RNF17: variants seen among roughly 807,000 people sequenced by gnomAD.
RNF17 encodes ring finger protein 17, also known as spermatogenesis associated 23.
Under a neutral mutation model 200.5 loss-of-function variants are expected in RNF17, and 31 were observed. The ratio of observed to expected loss-of-function variants is 0.15; its 90% CI spans 0.12 to 0.21. RNF17 has a LOEUF of 0.21. Among genes scored for constraint, RNF17 ranks in the 10% least tolerant of loss-of-function variants. The pLI, the probability that RNF17 is intolerant of heterozygous loss-of-function variation, is 1.00. For missense variants in RNF17, 1,628 were observed against 1,905.1 expected (o/e 0.85, Z 2.71); for synonymous variants, 606 against 637.8 (o/e 0.95, Z 0.75).
the RNF17 span, among the ~76,000 whole-genome samples, chr13:24,750,355 C>T: frequency 6.6e-6 from 1 of 152,178 alleles, no homozygotes; most frequent in Non-Finnish European, 1.5e-5. Flanking sequence ...TTTTAACATA[C>T]AGTTCAAAGA....
At chr13:24,760,963 A>C (rs561121791), upstream of RNF17, among the ~76,000 whole-genome samples, 41 of 152,322 alleles carry the variant, frequency 2.7e-4, no homozygotes, top group Admixed American at 2.0e-3. Flanking sequence ...AAAAAAAAAG[A>C]CAAAAGATAA....
chr13:24,783,785 A>G (rs1265656669), intron 6 of RNF17, among the ~76,000 whole-genome samples: 2 of 152,274 alleles, frequency 1.3e-5, no homozygotes, highest in East Asian at 3.9e-4. Context: ...GGTTTTCTGC[A>G]TGTATGATCA....
chr13:24,826,180 CTG>C (rs1429993716), intron 16 of RNF17: 1 of 708,204 alleles, frequency 1.4e-6, no homozygotes, highest in Admixed American at 6.3e-5. Context: ...GAATTATTGA[CTG>C]AACTGCTAGT....
chr13:24,812,159 G>A (rs1465187122), intron 15 of RNF17, among the ~76,000 whole-genome samples: 5 of 145,826 alleles, frequency 3.4e-5, no homozygotes, highest in Non-Finnish European at 6.1e-5. Context: ...TTGAGCTGTG[G>A]TGGGCTCCAC....
intron 2 of RNF17, among the ~76,000 whole-genome samples, chr13:24,774,212 CT>C (rs906022182): frequency 1.3e-5 from 2 of 149,374 alleles, no homozygotes; most frequent in African/African-American, 4.9e-5. Context: ...TTTTTTTTCA[CT>C]TTTTTTGAAA....
At chr13:24,753,006 C>G in the RNF17 span, among the ~76,000 whole-genome samples, 1 of 152,162 alleles carries the variant, frequency 6.6e-6, no homozygotes, top group East Asian at 1.9e-4. Context: ...TATTCTTCTC[C>G]TTGGGCAAGA....
At chr13:24,812,796 C>T (rs1886882310) in intron 15 of RNF17, among the ~76,000 whole-genome samples, 1 of 151,806 alleles carries the variant, frequency 6.6e-6, no homozygotes, top group Non-Finnish European at 1.5e-5. Flanking sequence ...ATTCTCATGC[C>T]TCAGCCTCCC....
Position 24,851,521 on chromosome 13 carries a change from T to G in RNF17, c.3270T>G (p.Val1090=). Residue 1090 remains valine, a synonymous_variant, in exon 24 of 36, where the codon GTT becomes GTG. Transcript: ENST00000255324. ...GCAGAGATGAAAAAGGAGAGCGTGT[T>G]GATGTTTCTAAATATTTGATTAAAA... The part of the protein sequence containing the change: ...IFCRDEKGER[V]DVSKYLIKKG... The G allele has an allele frequency of 6.2e-7, 1 of 1,613,810 alleles. No homozygotes were observed. The highest frequency in any genetic ancestry group is 8.5e-7 in the Non-Finnish European group (1 of 1,179,912).
At chr13:24,783,584 C>T (rs1004624592) in intron 6 of RNF17, among the ~76,000 whole-genome samples, 11 of 152,088 alleles carry the variant, frequency 7.2e-5, no homozygotes, top group Admixed American at 6.5e-4. Flanking sequence ...AAGTCTTTCA[C>T]CTCCTTTGTT....
intron 22 of RNF17, among the ~76,000 whole-genome samples, chr13:24,845,640 A>G (rs1891176880): frequency 6.6e-6 from 1 of 152,170 alleles, no homozygotes; most frequent in Admixed American, 6.6e-5. Context: ...TAGGATTCCA[A>G]CAGCTTTGAG....
At chr13:24,884,141 AG>A (rs751443030), downstream of RNF17, 22 of 1,569,770 alleles carry the variant, frequency 1.4e-5, no homozygotes, top group Non-Finnish European at 1.7e-5. Flanking sequence ...ATTTAATGAG[AG>A]GGTGGAGCAA....
intron 15 of RNF17, among the ~76,000 whole-genome samples, chr13:24,820,627 C>T (rs111908016): frequency 0.18 from 26,623 of 151,038 alleles, 2,497 homozygotes; most frequent in South Asian, 0.32. Flanking sequence ...GTAGAGATAG[C>T]TTTTGGCTAT....
intron 13 of RNF17, 125 bp from the exon 14 acceptor site, chr13:24,802,256 A>G (rs1428761019): frequency 1.3e-6 from 1 of 772,860 alleles, no homozygotes; most frequent in South Asian, 2.2e-5. Flanking sequence ...GCTGTTTCCT[A>G]ATGTCTGCGG....
chr13:24,833,443 A>T (rs1889644220), intron 18 of RNF17, among the ~76,000 whole-genome samples: 1 of 152,116 alleles, frequency 6.6e-6, no homozygotes, highest in Admixed American at 6.5e-5. Flanking sequence ...TGAATTAAAG[A>T]CCTCTTGGTC....
intron 6 of RNF17, among the ~76,000 whole-genome samples, chr13:24,785,020 T>C (rs11616839): frequency 2.0e-5 from 3 of 152,204 alleles, no homozygotes; most frequent in African/African-American, 7.2e-5. Context: ...TTCTCTTTTC[T>C]TAGTGTGACT....
At chr13:24,787,856 C>G in intron 6 of RNF17, 132 bp from the exon 7 acceptor site, 2 of 571,154 alleles carry the variant, frequency 3.5e-6, no homozygotes. Context: ...AGTTCAGTTA[C>G]TGTTTGCCTC....
At chr13:24,763,119 A>C (rs1474281472), upstream of RNF17, among the ~76,000 whole-genome samples, 2 of 147,760 alleles carry the variant, frequency 1.4e-5, no homozygotes, top group African/African-American at 4.8e-5. Flanking sequence ...ATCCTCTACG[A>C]AGAGTTTTCA....
intron 28 of RNF17, among the ~76,000 whole-genome samples, chr13:24,863,624 C>T (rs1378140331): frequency 6.6e-6 from 1 of 152,194 alleles, no homozygotes; most frequent in Non-Finnish European, 1.5e-5. Flanking sequence ...CTAAAGGAGG[C>T]ACACACTCAC....
chr13:24,807,210 T>C (rs2137783555), intron 15 of RNF17, among the ~76,000 whole-genome samples: 1 of 152,172 alleles, frequency 6.6e-6, no homozygotes, highest in East Asian at 1.9e-4. Context: ...TCTAGATCCC[T>C]GAGGAATCGC....
Sources: gnomAD v4.1 joint callset for allele counts (sites outside exome capture counted in the v4.1 genomes callset) on GRCh38, gnomAD v4.1.1 for gene constraint, MANE v1.5 for transcripts, NCBI Gene and HGNC (gene_info 2026-07-23, HGNC 2026-07-21) for gene names.